Variants in MCFD2 observed in about 807,000 individuals in gnomAD.
MCFD2 encodes multiple coagulation factor deficiency protein 2.
In MCFD2, 11 loss-of-function variants were observed where a neutral mutation model predicts 12.8. That is an observed-to-expected ratio of 0.86 (90% CI 0.54 to 1.42). The LOEUF is 1.42. MCFD2 is among the 40% of genes most tolerant of loss of function. The probability of loss-of-function intolerance (pLI) is 0.00; values close to 1 mark genes in which losing one functional copy is unlikely to be tolerated. For synonymous variants in MCFD2, 70 were observed against 68.1 expected (o/e 1.03, Z -0.14); for missense variants, 191 against 178.6 (o/e 1.07, Z -0.40).
At position 46,929,348 on chromosome 2, in the gene MCFD2, G is replaced by C. The variant is rs115940436; in HGVS notation, c.-8+12224C>G. Among the ~76,000 whole-genome samples the C allele has an allele frequency of 4.9e-3, 750 of 152,222 alleles. 6 individuals carry two copies. The highest frequency in any genetic ancestry group is 0.017 in the African/African-American group (718 of 41,530). On this transcript the variant is annotated intron_variant, in intron 1 of 2. Coordinates refer to the MCFD2 transcript ENST00000409147. ...GGAAAAATTTAAAAACTACCTGGCT[G>C]TGGTGGTACACACCTGTAGTTCTAG... is the stretch of plus-strand genomic sequence containing the variant.
At chr2:46,922,147 C>G (rs1669138015) in intron 1 of MCFD2, among the ~76,000 whole-genome samples, 1 of 152,034 alleles carries the variant, frequency 6.6e-6, no homozygotes, top group South Asian at 2.1e-4. Context: ...GGTCATCAAA[C>G]AACAACTTTA....
chr2:46,906,013 C>T (rs1209914994), intron 3 of MCFD2: 3 of 471,474 alleles, frequency 6.4e-6, no homozygotes, highest in African/African-American at 4.0e-5. Flanking sequence ...ACGAATTGGA[C>T]AACAAGTTGG....
intron 1 of MCFD2, among the ~76,000 whole-genome samples, chr2:46,924,080 C>G (rs1669260259): frequency 6.6e-6 from 1 of 151,958 alleles, no homozygotes; most frequent in African/African-American, 2.4e-5. Context: ...TGGTGTGGGC[C>G]TGTAGTCCAG....
Position 46,903,344 on chromosome 2 carries a change from G to A in MCFD2, c.*2119C>T, listed in dbSNP as rs1010802569. 6.5e-6 allele frequency: 1 copy of A among 154,708 alleles called. No individual in the cohort carries two copies. Among genetic ancestry groups the A allele is most frequent in the Non-Finnish European group, 1.4e-5 (1 of 70,102 alleles). 9.6% of individuals were successfully genotyped at this position (154,708 alleles called of 1,614,324 possible). The stretch of plus-strand genomic sequence containing the variant: ...TGTCTTTATCAGCAGCGTGAAAACG[G>A]ACTAATACAGTAAATTGGTACCAGT... On this transcript the variant is annotated 3_prime_UTR_variant, in exon 4 of 4. Transcript: ENST00000319466.
At chr2:46,920,662 AAT>A (rs1309736802), upstream of MCFD2, among the ~76,000 whole-genome samples, 1 of 149,536 alleles carries the variant, frequency 6.7e-6, no homozygotes, top group African/African-American at 2.5e-5. Context: ...AAAAAAAAAA[AAT>A]AGATAAATTT....
At chr2:46,929,934 T>A (rs1290048768) in intron 1 of MCFD2, among the ~76,000 whole-genome samples, 1 of 152,162 alleles carries the variant, frequency 6.6e-6, no homozygotes, top group Non-Finnish European at 1.5e-5. Flanking sequence ...TTGTCAATGT[T>A]TTAGACAGTG....
At chr2:46,924,066 G>A (rs954877545) in intron 1 of MCFD2, among the ~76,000 whole-genome samples, 136 of 152,106 alleles carry the variant, frequency 8.9e-4, no homozygotes, top group African/African-American at 3.1e-3. Context: ...ATAGCCAGGC[G>A]TGGTGGTGTG....
intron 1 of MCFD2, among the ~76,000 whole-genome samples, chr2:46,915,020 A>G (rs967183524): frequency 1.3e-5 from 2 of 152,246 alleles, no homozygotes; most frequent in Admixed American, 1.3e-4. Context: ...TTCTGGTCAC[A>G]TGATCAGATT....
intron 1 of MCFD2, among the ~76,000 whole-genome samples, chr2:46,923,621 A>T (rs1669225810): frequency 6.6e-6 from 1 of 152,162 alleles, no homozygotes; most frequent in South Asian, 2.1e-4. Flanking sequence ...ACCAGGTGTG[A>T]TGGTTCATGC....
At chr2:46,917,005 C>G (rs989021124), upstream of MCFD2, among the ~76,000 whole-genome samples, 1 of 152,022 alleles carries the variant, frequency 6.6e-6, no homozygotes, top group Admixed American at 6.6e-5. Context: ...TCAAATGAGC[C>G]TGGGTCCGGA....
upstream of MCFD2, among the ~76,000 whole-genome samples, chr2:46,919,572 TTACTA>T (rs1190875362): frequency 1.3e-5 from 2 of 152,214 alleles, no homozygotes; most frequent in Non-Finnish European, 2.9e-5. Flanking sequence ...TTATTTGTGA[TTACTA>T]TACATGAAAT....
intron 1 of MCFD2, among the ~76,000 whole-genome samples, chr2:46,939,776 GT>G (rs1310586456): frequency 6.6e-6 from 1 of 152,204 alleles, no homozygotes; most frequent in Non-Finnish European, 1.5e-5. Context: ...GTGAAATCCG[GT>G]TCTGGTGACC....
At position 46,938,100 on chromosome 2, in the gene MCFD2, G is replaced by T. The variant is rs1011120345; in HGVS notation, c.-8+3472C>A. Among the ~76,000 whole-genome samples the T allele has an allele frequency of 3.3e-5, 5 of 152,100 alleles. No homozygotes were observed. In the East Asian group the frequency reaches 5.8e-4, roughly 18 times the overall value. On this transcript the variant is annotated intron_variant, in intron 1 of 2. Transcript: ENST00000409147. The stretch of plus-strand genomic sequence containing the variant: ...TATTATGCAAACAAAAACTAGAATG[G>T]GAAACAGCCCCATGGCCAGATCTCC...
At chr2:46,915,586 T>A (rs1668705694) in intron 1 of MCFD2, 137 bp downstream of exon 1, 1 of 186,200 alleles carries the variant, frequency 5.4e-6, no homozygotes, top group Non-Finnish European at 1.0e-5. Flanking sequence ...CCTAGCCGGT[T>A]AAGCGTCCCG....
At chr2:46,915,807 C>CGGGGGGGGGGGGGGGGGG, upstream of MCFD2, 1 of 84,836 alleles carries the variant, frequency 1.2e-5, no homozygotes, top group Non-Finnish European at 1.5e-5. Context: ...CTCGGCTTCG[C>CGGGGGGGGGGGGGGGGGG]CCCGCCCCCC....
Position 46,941,457 on chromosome 2 carries a change from C to T in MCFD2, c.-8+115G>A, listed in dbSNP as rs1336668953. The stretch of plus-strand genomic sequence containing the variant: ...CCGTCTGCGCCCCCGTCGACCCCGC[C>T]CGCGAGTGCGCCCCAGCCAGGACGC... On this transcript the variant is annotated intron_variant, in intron 1 of 2. Coordinates refer to the MCFD2 transcript ENST00000409147. This position sits in a 1 kb window ranked among gnomAD's most constrained non-coding sequence, Gnocchi z 4.2. 1.4e-6 allele frequency: 2 copies of T among 1,426,978 alleles called. No individual in the cohort carries two copies. The highest frequency in any genetic ancestry group is 1.9e-6 in the Non-Finnish European group (2 of 1,078,048). The allele number at this position is 1,426,978 out of a possible 1,614,324, so 88.4% of individuals were successfully genotyped here. A position where few individuals can be genotyped will look rare whatever the true frequency, so the allele number is the denominator to read the frequency against.
rs1346304491 is a variant in MCFD2, at chr2:46,941,680, A to T, written c.-116T>A. On this transcript the variant is annotated 5_prime_UTR_variant, in exon 1 of 3. Transcript: ENST00000409147. This position sits in a 1 kb window ranked among gnomAD's most constrained non-coding sequence, Gnocchi z 4.2. ...GCTGAGCATGCCCGGCGGCGGAGGT[A>T]ACAGGCGAGGCAGCCCGAGCGCAGC... 1.1e-5 allele frequency: 17 copies of T among 1,551,686 alleles called. No individual in the cohort carries two copies. The highest frequency in any genetic ancestry group is 1.7e-4 in the Middle Eastern group (1 of 5,908).
At chr2:46,909,793 G>C (rs1054849305) in intron 1 of MCFD2, among the ~76,000 whole-genome samples, 2 of 152,206 alleles carry the variant, frequency 1.3e-5, no homozygotes, top group African/African-American at 2.4e-5. Flanking sequence ...CCAAGGCCTA[G>C]ACAGGCTGTA....
chr2:46,920,488 C>T (rs1669046523), upstream of MCFD2, among the ~76,000 whole-genome samples: 1 of 152,008 alleles, frequency 6.6e-6, no homozygotes, highest in Admixed American at 6.5e-5. Flanking sequence ...AACCACCACG[C>T]CCAGCTAATT....
Sources: allele counts gnomAD v4.1 joint callset (sites outside exome capture counted in the v4.1 genomes callset), GRCh38; gene constraint gnomAD v4.1.1; non-coding constraint Gnocchi (gnomAD v3.1); transcripts MANE v1.5; gene names NCBI Gene and HGNC (gene_info 2026-07-23, HGNC 2026-07-21).